The following ARHGEF2 variants were observed in gnomAD, a reference collection of about 807,000 sequenced individuals.
ARHGEF2 encodes Rho/Rac guanine nucleotide exchange factor 2, also known as rho guanine nucleotide exchange factor 2.
ARHGEF2 carries 22 observed loss-of-function variants against 121.0 expected under a neutral mutation model. The ratio of observed to expected loss-of-function variants is 0.18; its 90% CI spans 0.13 to 0.26. The LOEUF (loss-of-function observed/expected upper bound fraction) is 0.26, where lower values mean the gene tolerates loss of function less well. Ranked by LOEUF, ARHGEF2 falls within the 10% of genes least tolerant of loss-of-function variation. ARHGEF2 has a pLI of 1.00. For missense variants in ARHGEF2, 907 were observed against 1,336.0 expected, an observed-to-expected ratio of 0.68 and a Z score of 5.01; for synonymous variants, 487 against 530.0, an observed-to-expected ratio of 0.92 and a Z score of 1.11.
At chr1:155,979,149 G>A (rs1400808809), upstream of ARHGEF2, 17 of 985,360 alleles carry the variant, frequency 1.7e-5, no homozygotes, top group Non-Finnish European at 2.0e-5. Context: ...GAAGAACAGA[G>A]AGGAGAGAAT....
Position 155,969,141 on chromosome 1 carries a change from G to T in ARHGEF2, c.208+15C>A. The T allele has an allele frequency of 6.2e-7, 1 of 1,613,978 alleles. No individual in the cohort carries two copies. ...GCACCGAGTCTGGGTGACTCTCAGG[G>T]TCCAAACAACTTACTTGGGCAGATG... On this transcript the variant is annotated intron_variant, in intron 2 of 21. Coordinates refer to ENST00000361247, the MANE Select transcript of ARHGEF2 (RefSeq NM_001162383.2).
chr1:155,958,334 T>A lies in ARHGEF2; in HGVS notation c.1531A>T (p.Ile511Phe). 6.2e-7 allele frequency: 1 copy of A among 1,613,318 alleles called. No individual in the cohort carries two copies. Among genetic ancestry groups the A allele is most frequent in the Non-Finnish European group, 8.5e-7 (1 of 1,179,284 alleles). Residue 511 changes from isoleucine (I) to phenylalanine (F), a missense_variant, in exon 12 of 22, where the codon ATC becomes TTC. Transcript: ENST00000361247. The stretch of plus-strand genomic sequence containing the variant: ...GAATGTCTCACCAGGGTAGGAAAGA[T>A]GTACTTCTGGTCCTTTTCCTGGAGA... ...VFLQEKDQKY[I>F]FPTLDKPSVV...
intron 7 of ARHGEF2, among the ~76,000 whole-genome samples, chr1:155,964,201 T>TATATATATATATATATATATATAC (rs1558031754): frequency 5.2e-5 from 6 of 114,722 alleles, no homozygotes; most frequent in Non-Finnish European, 1.1e-4. Context: ...TATATATACA[T>TATATATATATATATATATATATAC]ATATATATAT....
Position 155,965,796 on chromosome 1 carries a change from A to G in ARHGEF2, c.341-36T>C, listed in dbSNP as rs759756465. On this transcript the variant is annotated intron_variant, in intron 4 of 21. Coordinates refer to ENST00000361247, the MANE Select transcript of ARHGEF2 (RefSeq NM_001162383.2). This position sits in a 1 kb window ranked among gnomAD's most constrained non-coding sequence, Gnocchi z 6.0. ...GAGATGCCCAGCAGGCAAACATCAG[A>G]CTCTGGTGCTTCCCAGGATTGAGGC... is the stretch of plus-strand genomic sequence containing the variant. 14 of 1,566,516 alleles carry G rather than the reference A, an allele frequency of 8.9e-6. No individual in the cohort carries two copies. The highest frequency in any genetic ancestry group is 1.4e-5 in the African/African-American group (1 of 72,612).
chr1:155,950,313 G>A lies in ARHGEF2; in HGVS notation c.2873C>T (p.Pro958Leu), dbSNP rs1675149053. 6.2e-7 allele frequency: 1 copy of A among 1,612,926 alleles called. No individual in the cohort carries two copies. The highest frequency in any genetic ancestry group is 8.5e-7 in the Non-Finnish European group (1 of 1,179,980). ...EEEGSSRLSP[P>L]HSPRDFTRMQ... ...CAGGGTCTCACCTCGTGGACTGTGG[G>A]GCGGAGACAGACGGCTGCTACCTTC... Residue 958 changes from proline to leucine, a missense_variant, in exon 21 of 22, where the codon CCC (proline) becomes CTC (leucine). By Grantham distance (98) the Pro-to-Leu change is moderately conservative (BLOSUM62 -3). Around this residue, in one of 2 missense-constraint regions of ARHGEF2, gnomAD observed 432 missense variants for 559.5 expected, o/e 0.77. Transcript: ENST00000361247. This position sits in a 1 kb window ranked among gnomAD's most constrained non-coding sequence, Gnocchi z 5.2.
rs2102702248 is a variant in ARHGEF2 at position 155,978,218 on chromosome 1, CA to C, written c.63+146del. 21 of 1,314,848 alleles carry C rather than the reference CA, an allele frequency of 1.6e-5. No homozygotes were observed. Among genetic ancestry groups the C allele is most frequent in the East Asian group, 9.9e-5 (3 of 30,340 alleles). The allele number at this position is 1,314,848 out of a possible 1,614,324, so 81.4% of individuals were successfully genotyped here. A position where few individuals can be genotyped will look rare whatever the true frequency, so the allele number is the denominator to read the frequency against. ...TACCCACTCGCTCGCAGTCCCCACC[CA>C]CCCCGTCCCGCCGCTCGCCGATCCA... On this transcript the variant is annotated intron_variant, in intron 1 of 21. Transcript: ENST00000361247. The surrounding 1 kb of genome is among the most constrained non-coding windows in gnomAD (Gnocchi z 4.1).
At chr1:155,966,384 T>G in intron 4 of ARHGEF2, 32 bp downstream of exon 4, 1 of 1,612,504 alleles carries the variant, frequency 6.2e-7, no homozygotes, top group South Asian at 1.1e-5. Flanking sequence ...TCCAGGGTCT[T>G]AGGGGACCTC....
chr1:155,964,367 A>G (rs1427278973), intron 7 of ARHGEF2, among the ~76,000 whole-genome samples: 1 of 151,184 alleles, frequency 6.6e-6, no homozygotes, highest in African/African-American at 2.4e-5. Flanking sequence ...TTTACACCTT[A>G]TCATCTCAAG....
In ARHGEF2 at chr1:155,947,730, T is replaced by G. The variant is rs1399075280; in HGVS notation, c.*212A>C. 10 of 539,762 alleles carry G rather than the reference T, an allele frequency of 1.9e-5. No homozygotes were observed. The East Asian group carries it at 2.7e-4, about 15-fold the overall frequency. 33.4% of individuals were successfully genotyped at this position (539,762 alleles called of 1,614,324 possible). On this transcript the variant is annotated 3_prime_UTR_variant, in exon 22 of 22. Coordinates refer to ENST00000361247, the MANE Select transcript of ARHGEF2 (RefSeq NM_001162383.2). Reference sequence around the variant, plus strand: ...GAAGAAGGCATGAACCACTGGCATCTGTGGTGTAGCTTTCGGATGTCCCAG... The same window carrying G: ...GAAGAAGGCATGAACCACTGGCATCGGTGGTGTAGCTTTCGGATGTCCCAG...
In ARHGEF2 at chr1:155,966,444, G is replaced by T; in HGVS notation, c.312C>A (p.Ala104=). The stretch of plus-strand genomic sequence containing the variant: ...TACTTCGAAGAGAAACGGACTGCAA[G>T]GCGGTGTTGTTCTTCAGCAGGGCCG... ...QKAALLKNNT[A]LQSVSLRSKT... The change falls in exon 4 of 22, where the codon GCC becomes GCA. Residue 104 remains alanine (A), a synonymous_variant. Coordinates refer to ENST00000361247, the MANE Select transcript of ARHGEF2 (RefSeq NM_001162383.2). 6.2e-7 allele frequency: 1 copy of T among 1,614,148 alleles called. No homozygotes were observed. The highest frequency in any genetic ancestry group is 8.5e-7 in the Non-Finnish European group (1 of 1,179,998).
chr1:155,954,183 C>T (rs1364028905), intron 14 of ARHGEF2, among the ~76,000 whole-genome samples: 1 of 150,176 alleles, frequency 6.7e-6, no homozygotes, highest in Non-Finnish European at 1.5e-5. Context: ...TGTTTTGTTG[C>T]CCAGACTGGT....
In ARHGEF2 at chr1:155,948,022, G is replaced by A. The variant is rs898479457; in HGVS notation, c.2888-7C>T. On this transcript the variant is annotated splice_region_variant and splice_polypyrimidine_tract_variant and intron_variant, in intron 21 of 21. Transcript: ENST00000361247. Reference sequence around the variant, plus strand: ...TCCTGCATTCTGGTAAAGTCTGAAGGGGGACAGGACAAAGCCAGTGAGTTA... The same window carrying A: ...TCCTGCATTCTGGTAAAGTCTGAAGAGGGACAGGACAAAGCCAGTGAGTTA... 98 of 1,550,930 alleles carry A rather than the reference G, an allele frequency of 6.3e-5. No individual in the cohort carries two copies. Among genetic ancestry groups the A allele is most frequent in the Middle Eastern group, 3.3e-4 (2 of 5,986 alleles).
chr1:155,978,633 G>C (rs542138395), upstream of ARHGEF2: 1 of 1,232,944 alleles, frequency 8.1e-7, no homozygotes, highest in African/African-American at 1.6e-5. This position sits in a 1 kb window ranked among gnomAD's most constrained non-coding sequence, Gnocchi z 4.1. Context: ...GGAGCGGAGG[G>C]AGGGCGGGGT....
Position 155,962,034 on chromosome 1 carries a change from G to A in ARHGEF2, c.1219+71C>T. On this transcript the variant is annotated intron_variant, in intron 10 of 21. Transcript: ENST00000361247. The surrounding 1 kb of genome is among the most constrained non-coding windows in gnomAD (Gnocchi z 5.8). ...TCACACCCGACCCCACCCTTCCTGT[G>A]GTCATACCGAGCCTTTCCTCACCCC... 6.2e-7 allele frequency: 1 copy of A among 1,605,508 alleles called. No individual in the cohort carries two copies.
chr1:155,949,772 G>A (rs1340140749), intron 21 of ARHGEF2, among the ~76,000 whole-genome samples: 4 of 151,984 alleles, frequency 2.6e-5, no homozygotes, highest in African/African-American at 9.7e-5. Context: ...AGCTACTTGG[G>A]AGGCTGAGGC....
chr1:155,962,166 C>A lies in ARHGEF2; in HGVS notation c.1158G>T (p.Leu386=), dbSNP rs1678089570. ...KRHGVQECIL[L]VTQRITKYPL... ...GGTACTTGGTGATGCGCTGAGTCAC[C>A]AGCAGGATGCACTCCTGTACCCCGT... The change falls in exon 10 of 22, where the codon CTG becomes CTT. Residue 386 remains leucine (L), a synonymous_variant. Transcript: ENST00000361247. This position sits in a 1 kb window ranked among gnomAD's most constrained non-coding sequence, Gnocchi z 5.8. 6.2e-7 allele frequency: 1 copy of A among 1,614,186 alleles called. No homozygotes were observed. Among genetic ancestry groups the A allele is most frequent in the Non-Finnish European group, 8.5e-7 (1 of 1,180,040 alleles).
chr1:155,970,773 A>C, intron 1 of ARHGEF2: 1 of 985,794 alleles, frequency 1.0e-6, no homozygotes, highest in African/African-American at 1.7e-5. Context: ...CTGAGTCAAC[A>C]GTGCAGGGAC....
At chr1:155,963,911 G>A (rs1678506747) in intron 7 of ARHGEF2, among the ~76,000 whole-genome samples, 1 of 150,468 alleles carries the variant, frequency 6.6e-6, no homozygotes, top group East Asian at 2.0e-4. Context: ...TTGGGAGGCC[G>A]AGGCGGGTGC....
rs2102658416 is a variant in ARHGEF2 at position 155,961,718 on chromosome 1, G to A, written c.1411C>T (p.Arg471Cys). The A allele has an allele frequency of 6.2e-7, 1 of 1,614,092 alleles. No homozygotes were observed. The highest frequency in any genetic ancestry group is 8.5e-7 in the Non-Finnish European group (1 of 1,180,046). The change falls in exon 11 of 22, where the codon CGC (arginine) becomes TGC (cysteine). Residue 471 changes from arginine to cysteine, a missense_variant. Coordinates refer to ENST00000361247, the MANE Select transcript of ARHGEF2 (RefSeq NM_001162383.2). This position sits in a 1 kb window ranked among gnomAD's most constrained non-coding sequence, Gnocchi z 4.7. ...GPFGREELLR[R>C]KLIHDGCLLW... is the part of the protein sequence containing the mutation. ...AGGCAGCCATCGTGGATGAGTTTGC[G>A]CCTCAGAAGTTCCTCTCGGCCAAAG...
Sources: allele counts gnomAD v4.1 joint callset (sites outside exome capture counted in the v4.1 genomes callset), GRCh38; gene constraint gnomAD v4.1.1; regional missense constraint gnomAD v4.1.1; non-coding constraint Gnocchi (gnomAD v3.1); transcripts MANE v1.5; gene names NCBI Gene and HGNC (gene_info 2026-07-23, HGNC 2026-07-21).